CFAP57: variants seen among roughly 807,000 people sequenced by gnomAD.
CFAP57 encodes cilia- and flagella-associated protein 57.
In CFAP57, 116 loss-of-function variants were observed where a neutral mutation model predicts 146.8. That is an observed-to-expected ratio of 0.79 (90% CI 0.68 to 0.92). CFAP57 has a LOEUF of 0.92. Ranked by LOEUF, CFAP57 falls within the 40% of genes least tolerant of loss-of-function variation. The pLI is 0.00. For synonymous variants in CFAP57, 518 were observed against 552.8 expected (o/e 0.94, Z 0.88); for missense variants, 1,377 against 1,527.2 (o/e 0.90, Z 1.64).
chr1:43,197,608 C>A lies in CFAP57; in HGVS notation c.1178C>A (p.Thr393Asn), dbSNP rs368895767. 3 of 1,614,154 alleles carry A rather than the reference C, an allele frequency of 1.9e-6. No individual in the cohort carries two copies. Among genetic ancestry groups the A allele is most frequent in the Non-Finnish European group, 2.5e-6 (3 of 1,180,034 alleles). ...LMYPLHSAPI[T>N]GLATCIRKPL... ...TATCCATTGCACTCAGCACCCATCA[C>A]CGGTCTAGCTACCTGCATCCGCAAA... Residue 393 changes from threonine (T) to asparagine (N), a missense_variant, in exon 7 of 23, where the codon ACC (threonine) becomes AAC (asparagine). Thr to Asn is a moderately conservative substitution (Grantham distance 65, BLOSUM62 0). Coordinates refer to ENST00000372492, the MANE Select transcript of CFAP57 (RefSeq NM_001378189.1).
chr1:43,202,654 A>G (rs1048856508), intron 9 of CFAP57, among the ~76,000 whole-genome samples: 1 of 151,968 alleles, frequency 6.6e-6, no homozygotes, highest in African/African-American at 2.4e-5. Flanking sequence ...GTGGTGGCAC[A>G]CACCTGTAAT....
chr1:43,219,492 A>C lies in CFAP57; in HGVS notation c.2202A>C (p.Thr734=). The change falls in exon 13 of 23, where the codon ACA becomes ACC. Residue 734 remains threonine, a synonymous_variant. Coordinates refer to ENST00000372492, the MANE Select transcript of CFAP57 (RefSeq NM_001378189.1). ...ATTCTGAGAAGATTAAGGAGCTAAC[A>C]GACAAGTTCATCCAGGAAATGGAGT... ...MNYSEKIKEL[T]DKFIQEMESL... 1 of 1,550,610 alleles carries C rather than the reference A, an allele frequency of 6.4e-7. No homozygotes were observed. Among genetic ancestry groups the C allele is most frequent in the Non-Finnish European group, 8.7e-7 (1 of 1,146,998 alleles).
chr1:43,225,988 C>T (rs656678), intron 17 of CFAP57, among the ~76,000 whole-genome samples: 9,661 of 152,194 alleles, frequency 0.063, 395 homozygotes, highest in African/African-American at 0.12. Flanking sequence ...GCCTGGCCAA[C>T]ATGGTGAAAC....
intron 22 of CFAP57, among the ~76,000 whole-genome samples, chr1:43,249,872 G>A (rs1341170031): frequency 6.6e-6 from 1 of 152,070 alleles, no homozygotes; most frequent in East Asian, 1.9e-4. Context: ...AGTCTCATCT[G>A]TCAAAGAAGG....
chr1:43,194,642 T>A (rs1643746003), intron 6 of CFAP57: 1 of 152,220 alleles, frequency 6.6e-6, no homozygotes. Flanking sequence ...TCTAATTCTT[T>A]TTCCTCTCTG....
In CFAP57 at chr1:43,243,095, A is replaced by G. The variant is rs190061920; in HGVS notation, c.3406-132A>G. 9.0e-5 allele frequency: 99 copies of G among 1,101,302 alleles called. 1 individual carries two copies. Among genetic ancestry groups the G allele is most frequent in the South Asian group, 5.6e-4 (25 of 44,852 alleles). 68.2% of individuals were successfully genotyped at this position (1,101,302 alleles called of 1,614,324 possible). ...GGCTGGAATAAAGGCTCAGGCCCCAATAGAGGATCCAGAGTTCTGGATCCA... is the reference window on the plus strand; with the variant it reads ...GGCTGGAATAAAGGCTCAGGCCCCAGTAGAGGATCCAGAGTTCTGGATCCA... On this transcript the variant is annotated intron_variant, in intron 21 of 22. Transcript: ENST00000372492.
chr1:43,197,360 C>A (rs1557756216), intron 6 of CFAP57, among the ~76,000 whole-genome samples, 193 bp from the exon 7 acceptor site: 1 of 151,896 alleles, frequency 6.6e-6, no homozygotes. Flanking sequence ...CCATCTCAAA[C>A]ATAAAATAAA....
At chr1:43,200,938 A>G (rs1040091260) in intron 9 of CFAP57, among the ~76,000 whole-genome samples, 1 of 152,178 alleles carries the variant, frequency 6.6e-6, no homozygotes, top group African/African-American at 2.4e-5. Flanking sequence ...AGTGGAAGGA[A>G]ATTGGAGTGA....
At position 43,253,512 on chromosome 1, in the gene CFAP57, CAG is replaced by C. The variant is rs145977917; in HGVS notation, c.3539-464_3539-463del. Reference sequence around the variant, plus strand: ...AGCACCTGAGACAGGGAGGATGACTCAGGGGAGAAAGTTCTCAAGGAACAAGG... The same window carrying C: ...AGCACCTGAGACAGGGAGGATGACTCGGGAGAAAGTTCTCAAGGAACAAGG... On this transcript the variant is annotated intron_variant, in intron 22 of 22. Coordinates refer to ENST00000372492, the MANE Select transcript of CFAP57 (RefSeq NM_001378189.1). Among the ~76,000 whole-genome samples, 893 of 152,206 alleles carry C rather than the reference CAG, an allele frequency of 5.9e-3. 10 individuals are homozygous for C. Among genetic ancestry groups the C allele is most frequent in the African/African-American group, 0.021 (856 of 41,524 alleles).
chr1:43,207,017 G>C (rs565160374), intron 10 of CFAP57, 85 bp downstream of exon 10: 17 of 1,391,868 alleles, frequency 1.2e-5, no homozygotes, highest in Non-Finnish European at 1.7e-5. Flanking sequence ...AGTATGCACG[G>C]AATGAGGGCC....
chr1:43,232,017 T>C, intron 18 of CFAP57: 1 of 688,190 alleles, frequency 1.5e-6, no homozygotes, highest in Non-Finnish European at 2.6e-6. Context: ...GTTTTATGCC[T>C]TAGATGGGTG....
At chr1:43,210,312 A>C (rs927721312) in intron 11 of CFAP57, 53 of 1,413,662 alleles carry the variant, frequency 3.7e-5, no homozygotes, top group Middle Eastern at 2.6e-4. Context: ...CTGAGGGTAC[A>C]AAAGGCCACC....
In CFAP57 at chr1:43,201,263, T is replaced by C. The variant is rs1570035800; in HGVS notation, c.1542+1760T>C. Among the ~76,000 whole-genome samples, 1 of 152,106 alleles carries C rather than the reference T, an allele frequency of 6.6e-6. No homozygotes were observed. Among genetic ancestry groups the C allele is most frequent in the South Asian group, 2.1e-4 (1 of 4,830 alleles). ...AGACTGGTGAAAGAAGAGGAGCCGATGAAAGACTGAAAATAAAGATACAAA... is the reference window on the plus strand; with the variant it reads ...AGACTGGTGAAAGAAGAGGAGCCGACGAAAGACTGAAAATAAAGATACAAA... On this transcript the variant is annotated intron_variant, in intron 9 of 22. Coordinates refer to ENST00000372492, the MANE Select transcript of CFAP57 (RefSeq NM_001378189.1). This position sits in a 1 kb window ranked among gnomAD's most constrained non-coding sequence, Gnocchi z 4.4.
intron 19 of CFAP57, 28 bp downstream of exon 19, chr1:43,232,652 C>T: frequency 6.8e-7 from 1 of 1,480,508 alleles, no homozygotes; most frequent in South Asian, 1.3e-5. Flanking sequence ...TCTGGCAGTT[C>T]TTGGATTCGG....
intron 7 of CFAP57, among the ~76,000 whole-genome samples, 175 bp from the exon 8 acceptor site, chr1:43,198,306 T>C (rs757802357): frequency 1.3e-5 from 2 of 152,218 alleles, no homozygotes; most frequent in Non-Finnish European, 2.9e-5. Flanking sequence ...CTATCTACCA[T>C]GCTCCACGCT....
chr1:43,223,098 G>T (rs958697733), intron 16 of CFAP57, 101 bp downstream of exon 16: 8 of 1,299,794 alleles, frequency 6.2e-6, no homozygotes, highest in South Asian at 1.6e-5. Context: ...CCAGGGTCCT[G>T]CCTGTCCCCA....
intron 2 of CFAP57, among the ~76,000 whole-genome samples, chr1:43,179,833 A>G (rs1030443684): frequency 8.5e-5 from 13 of 152,110 alleles, no homozygotes; most frequent in Admixed American, 4.6e-4. Context: ...GGGAAATGCA[A>G]TCAGGGTCAC....
chr1:43,198,502 A>G lies in CFAP57; in HGVS notation c.1284A>G (p.Glu428=), dbSNP rs748310233. The G allele has an allele frequency of 6.2e-7, 1 of 1,614,142 alleles. No individual in the cohort carries two copies. Among genetic ancestry groups the G allele is most frequent in the Non-Finnish European group, 8.5e-7 (1 of 1,180,030 alleles). Residue 428 remains glutamate (E), a synonymous_variant, in exon 8 of 23, where the codon GAA becomes GAG. Transcript: ENST00000372492. The stretch of plus-strand genomic sequence containing the variant: ...ACAGCACCCTGGAACTATTTAAGGA[A>G]TACCAAGAAGAGGCATATTCCATCA... ...YETNTLELFK[E]YQEEAYSISL...
chr1:43,198,893 G>A (rs1643986123), intron 8 of CFAP57, among the ~76,000 whole-genome samples: 3 of 152,136 alleles, frequency 2.0e-5, no homozygotes, highest in Admixed American at 1.3e-4. Context: ...TGAGATCCCC[G>A]CTATGATAAG....
Sources: allele counts gnomAD v4.1 joint callset (sites outside exome capture counted in the v4.1 genomes callset), GRCh38; gene constraint gnomAD v4.1.1; non-coding constraint Gnocchi (gnomAD v3.1); transcripts MANE v1.5; gene names NCBI Gene and HGNC (gene_info 2026-07-23, HGNC 2026-07-21).